Variants in ADGRD1 observed in about 807,000 individuals in gnomAD.
ADGRD1 encodes G-protein coupled receptor 133.
ADGRD1 carries 77 observed loss-of-function variants against 113.4 expected under a neutral mutation model. The ratio of observed to expected loss-of-function variants is 0.68; its 90% confidence interval spans 0.57 to 0.82. The LOEUF is 0.82. Ranked by LOEUF, ADGRD1 falls within the 40% of genes least tolerant of loss-of-function variation. ADGRD1 has a pLI of 0.00. For missense variants in ADGRD1, 1,036 were observed against 1,139.1 expected (o/e 0.91, Z 1.30); for synonymous variants, 474 against 475.0 (o/e 1.00, Z 0.03).
At chr12:131,009,425 G>A (rs754906769) in intron 12 of ADGRD1, among the ~76,000 whole-genome samples, 2 of 152,230 alleles carry the variant, frequency 1.3e-5, no homozygotes, top group Admixed American at 6.5e-5. Flanking sequence ...TCTGGAGGAC[G>A]TGTGTGATGG....
chr12:130,955,069 C>T (rs1869373743), intron 2 of ADGRD1, among the ~76,000 whole-genome samples: 1 of 151,118 alleles, frequency 6.6e-6, no homozygotes, highest in Admixed American at 6.6e-5. Flanking sequence ...AAGCAATTCT[C>T]CTGCCTCAGC....
intron 13 of ADGRD1, chr12:131,025,771 G>C (rs1879866048): frequency 6.6e-6 from 1 of 152,296 alleles, no homozygotes; most frequent in Non-Finnish European, 1.5e-5. Context: ...CTGGCCTCAA[G>C]TGATCCATCC....
chr12:131,108,764 T>C lies in ADGRD1; in HGVS notation c.1928T>C (p.Phe643Ser), dbSNP rs777964302. The change falls in exon 18 of 25, where the codon TTC becomes TCC. Residue 643 changes from phenylalanine (F) to serine (S), a missense_variant. Transcript: ENST00000261654. Reference protein sequence around the residue: ...QVMAVLLHYFFLSAFAWMLVE... With the variant: ...QVMAVLLHYFSLSAFAWMLVE... ...ATGGCCGTGCTCCTACACTACTTCT[T>C]CCTGAGTGCCTTCGCATGGATGCTG... is the stretch of plus-strand genomic sequence containing the variant. The C allele has an allele frequency of 1.1e-5, 17 of 1,613,978 alleles. No individual in the cohort carries two copies. Among genetic ancestry groups the C allele is most frequent in the East Asian group, 4.5e-5 (2 of 44,898 alleles).
chr12:131,131,826 C>T lies in ADGRD1; in HGVS notation c.2267+10C>T, dbSNP rs1950937509. The T allele has an allele frequency of 6.4e-7, 1 of 1,572,964 alleles. No homozygotes were observed. Among genetic ancestry groups the T allele is most frequent in the Non-Finnish European group, 8.8e-7 (1 of 1,142,404 alleles). On this transcript the variant is annotated intron_variant, in intron 21 of 24. Transcript: ENST00000261654. ...ACCCCAGTGCCTTCAAGTAAGTTGA[C>T]CTCAGGCTGCCAGCAGTGCCACGGC... is the stretch of plus-strand genomic sequence containing the variant.
rs914577362 is a variant in ADGRD1, at chr12:130,982,292, G to C, written c.490+229G>C. Among the ~76,000 whole-genome samples the C allele has an allele frequency of 1.3e-4, 20 of 152,278 alleles. 1 individual carries two copies. The highest frequency in any genetic ancestry group is 3.4e-3 in the Middle Eastern group (1 of 294). ...TGCAGAGCCTGGGCTCCGTCTGCCCGTGCACTGTGTGCCTGCTGTAGGTTA... is the reference window on the plus strand; with the variant it reads ...TGCAGAGCCTGGGCTCCGTCTGCCCCTGCACTGTGTGCCTGCTGTAGGTTA... On this transcript the variant is annotated intron_variant, in intron 5 of 24. Coordinates refer to ENST00000261654, the MANE Select transcript of ADGRD1 (RefSeq NM_198827.5).
At chr12:131,086,452 C>T (rs752457581) in intron 15 of ADGRD1, among the ~76,000 whole-genome samples, 14 of 152,188 alleles carry the variant, frequency 9.2e-5, no homozygotes, top group Non-Finnish European at 1.3e-4. Context: ...GCCCAGGCGC[C>T]CCTCGCTCCC....
intron 12 of ADGRD1, among the ~76,000 whole-genome samples, chr12:131,007,647 TC>T (rs1877307121): frequency 6.6e-6 from 1 of 152,004 alleles, no homozygotes; most frequent in South Asian, 2.1e-4. Context: ...AACTCTGACG[TC>T]CCCCTGCAAA....
chr12:130,982,158 C>A lies in ADGRD1; in HGVS notation c.490+95C>A, dbSNP rs1030108003. 5.4e-6 allele frequency: 6 copies of A among 1,105,720 alleles called. No individual in the cohort carries two copies. In the African/African-American group the frequency reaches 9.4e-5, roughly 17 times the overall value. 68.5% of individuals were successfully genotyped at this position (1,105,720 alleles called of 1,614,324 possible). ...AGAAGCCCAACGCAGCCCAAGGAGC[C>A]CAGGGATGCTGCTGCCTCCTGGCAC... On this transcript the variant is annotated intron_variant, in intron 5 of 24. Transcript: ENST00000261654.
At chr12:131,083,625 A>G (rs890526458) in intron 14 of ADGRD1, among the ~76,000 whole-genome samples, 3 of 152,194 alleles carry the variant, frequency 2.0e-5, no homozygotes, top group Non-Finnish European at 4.4e-5. Flanking sequence ...CAAACAAACA[A>G]AAAAGAAAAT....
chr12:131,116,006 G>A (rs1485774078), intron 18 of ADGRD1, among the ~76,000 whole-genome samples: 3 of 152,146 alleles, frequency 2.0e-5, no homozygotes, highest in African/African-American at 7.2e-5. Flanking sequence ...CAAAGCCCAC[G>A]CTCTTCCCAC....
chr12:131,047,989 G>A lies in ADGRD1; in HGVS notation c.1474-28812G>A, dbSNP rs75517571. 8.5e-3 allele frequency among the ~76,000 whole-genome samples: 1,291 copies of A among 152,322 alleles called. 15 individuals are homozygous for A. Among genetic ancestry groups the A allele is most frequent in the Non-Finnish European group, 0.014 (920 of 68,030 alleles). On this transcript the variant is annotated intron_variant, in intron 13 of 24. Transcript: ENST00000261654. The stretch of plus-strand genomic sequence containing the variant: ...TCATCTCCACATCCCATGTCACAGG[G>A]GTGAGATGGGGGTGGCAGAGGCAGA...
chr12:131,058,284 C>T (rs1234366761), intron 13 of ADGRD1, among the ~76,000 whole-genome samples: 1 of 152,120 alleles, frequency 6.6e-6, no homozygotes, highest in African/African-American at 2.4e-5. Flanking sequence ...AGGGAAGCGT[C>T]GTGAGCGTCC....
At chr12:130,961,826 T>A (rs1344181761) in intron 2 of ADGRD1, among the ~76,000 whole-genome samples, 2 of 152,294 alleles carry the variant, frequency 1.3e-5, no homozygotes, top group East Asian at 3.9e-4. Context: ...TAGATTTTGC[T>A]TTAAAAAAAA....
intron 5 of ADGRD1, among the ~76,000 whole-genome samples, chr12:130,982,647 G>A (rs116662248): frequency 0.016 from 2,488 of 152,302 alleles, 57 homozygotes; most frequent in African/African-American, 0.056. Flanking sequence ...GAAGGGGCTA[G>A]GGGAGAGCGC....
intron 2 of ADGRD1, among the ~76,000 whole-genome samples, chr12:130,959,466 G>T (rs1179498681): frequency 1.3e-5 from 2 of 152,182 alleles, no homozygotes; most frequent in Non-Finnish European, 1.5e-5. Context: ...AGCTACTTGG[G>T]AGGCTGAGGT....
rs746478309 is a variant in ADGRD1, at chr12:131,137,022, C to T, written c.2436+8C>T. 36 of 1,609,270 alleles carry T rather than the reference C, an allele frequency of 2.2e-5. No homozygotes were observed. The highest frequency in any genetic ancestry group is 3.3e-4 in the Middle Eastern group (2 of 6,078). On this transcript the variant is annotated splice_region_variant and intron_variant, in intron 23 of 24. Coordinates refer to ENST00000261654, the MANE Select transcript of ADGRD1 (RefSeq NM_198827.5). ...TGTCTCCTGAATTCAGAGGTACGTCCGCTCTGCTTGCTGGCAGGTGCAGGT... is the reference window on the plus strand; with the variant it reads ...TGTCTCCTGAATTCAGAGGTACGTCTGCTCTGCTTGCTGGCAGGTGCAGGT...
rs1225072206 is a variant in ADGRD1 at position 131,113,985 on chromosome 12, GT to G, written c.2042-4399del. Among the ~76,000 whole-genome samples, 1 of 152,110 alleles carries G rather than the reference GT, an allele frequency of 6.6e-6. No individual in the cohort carries two copies. The highest frequency in any genetic ancestry group is 1.5e-5 in the Non-Finnish European group (1 of 68,032). ...ATGTAATTTAGAGGCATACGTGCAT[GT>G]GTGCACGCACACACACGCACACACA... On this transcript the variant is annotated intron_variant, in intron 18 of 24. Coordinates refer to ENST00000261654, the MANE Select transcript of ADGRD1 (RefSeq NM_198827.5). This position sits in a 1 kb window ranked among gnomAD's most constrained non-coding sequence, Gnocchi z 4.9.
At chr12:131,046,120 T>A (rs1566061435) in intron 13 of ADGRD1, among the ~76,000 whole-genome samples, 1 of 143,726 alleles carries the variant, frequency 7.0e-6, no homozygotes, top group Non-Finnish European at 1.5e-5. Flanking sequence ...GTCAGTGTCC[T>A]CCCTGGTCAG....
At chr12:131,128,922 GAGT>G in intron 20 of ADGRD1, among the ~76,000 whole-genome samples, 12 of 150,302 alleles carry the variant, frequency 8.0e-5, no homozygotes, top group African/African-American at 2.7e-4. Flanking sequence ...GTCTGGGTGT[GAGT>G]GACAGCCCCG....
Sources: gnomAD v4.1 joint callset for allele counts (sites outside exome capture counted in the v4.1 genomes callset) on GRCh38, gnomAD v4.1.1 for gene constraint, Gnocchi (gnomAD v3.1) non-coding constraint, MANE v1.5 for transcripts, NCBI Gene and HGNC (gene_info 2026-07-23, HGNC 2026-07-21) for gene names.